ZMAT4: variants seen among roughly 807,000 people sequenced by gnomAD.
ZMAT4 encodes zinc finger matrin-type 4.
A neutral mutation model predicts 28.7 loss-of-function variants in ZMAT4; 17 were observed. That is an observed-to-expected ratio of 0.59 (90% CI 0.41 to 0.89). The LOEUF is 0.89. ZMAT4 is among the 40% of genes least tolerant of loss of function. ZMAT4 has a pLI of 0.00. For synonymous variants in ZMAT4, 117 were observed against 109.2 expected (o/e 1.07, Z -0.44); for missense variants, 240 against 283.8 (o/e 0.85, Z 1.11).
chr8:40,679,680 AGAACT>A (rs2150477851), intron 4 of ZMAT4, among the ~76,000 whole-genome samples: 1 of 152,292 alleles, frequency 6.6e-6, no homozygotes, highest in South Asian at 2.1e-4. Flanking sequence ...GGAGATTATG[AGAACT>A]ACAATTCAAG....
At chr8:40,826,646 C>T (rs1054440166) in intron 1 of ZMAT4, among the ~76,000 whole-genome samples, 2 of 152,122 alleles carry the variant, frequency 1.3e-5, no homozygotes, top group Non-Finnish European at 2.9e-5. Context: ...CTTTGCAACA[C>T]GGGGAGACCT....
chr8:40,602,434 A>T (rs28832946), intron 5 of ZMAT4, among the ~76,000 whole-genome samples: 1 of 152,208 alleles, frequency 6.6e-6, no homozygotes, highest in African/African-American at 2.4e-5. Flanking sequence ...TAATTCTTTA[A>T]GGAATCTCCA....
At chr8:40,848,084 C>G (rs1816972626) in intron 1 of ZMAT4, among the ~76,000 whole-genome samples, 1 of 152,224 alleles carries the variant, frequency 6.6e-6, no homozygotes, top group South Asian at 2.1e-4. Flanking sequence ...CTTCTGTCTA[C>G]CTGCTCCTTG....
chr8:40,795,233 CA>C (rs1317546296), intron 2 of ZMAT4, among the ~76,000 whole-genome samples: 54 of 152,234 alleles, frequency 3.5e-4, no homozygotes, highest in South Asian at 1.0e-3. Flanking sequence ...GATTTGGGGG[CA>C]AACCTCCAAG....
At chr8:40,637,847 C>T (rs542684759) in intron 5 of ZMAT4, among the ~76,000 whole-genome samples, 1 of 152,228 alleles carries the variant, frequency 6.6e-6, no homozygotes, top group East Asian at 1.9e-4. Flanking sequence ...ACTTTTATGC[C>T]AACCTACAAA....
At chr8:40,770,543 T>G (rs1183412472) in intron 2 of ZMAT4, among the ~76,000 whole-genome samples, 1 of 115,028 alleles carries the variant, frequency 8.7e-6, no homozygotes, top group African/African-American at 3.0e-5. Context: ...TCTTTCTTTC[T>G]CTCTCATTTT....
intron 6 of ZMAT4, among the ~76,000 whole-genome samples, chr8:40,579,830 C>T (rs1320469475): frequency 2.6e-5 from 4 of 151,926 alleles, no homozygotes; most frequent in African/African-American, 9.7e-5. Context: ...AAAATCAGAC[C>T]ATAACCTCAT....
intron 3 of ZMAT4, among the ~76,000 whole-genome samples, chr8:40,711,309 A>G (rs1810608303): frequency 6.6e-6 from 1 of 152,246 alleles, no homozygotes; most frequent in Admixed American, 6.5e-5. Flanking sequence ...TGAAAAAAAT[A>G]GAAGAAAACA....
intron 6 of ZMAT4, among the ~76,000 whole-genome samples, chr8:40,558,384 C>G (rs1315789534): frequency 1.3e-5 from 2 of 151,944 alleles, no homozygotes; most frequent in Non-Finnish European, 2.9e-5. Flanking sequence ...AGGAAGCTGT[C>G]GTGGGCAGCC....
intron 3 of ZMAT4, among the ~76,000 whole-genome samples, chr8:40,725,833 T>C (rs895757693): frequency 6.6e-6 from 1 of 151,874 alleles, no homozygotes; most frequent in Non-Finnish European, 1.5e-5. Context: ...GAGACAGCAT[T>C]GCATTTAAAG....
chr8:40,825,353 G>T (rs1305726270), intron 2 of ZMAT4, among the ~76,000 whole-genome samples: 1 of 152,106 alleles, frequency 6.6e-6, no homozygotes, highest in African/African-American at 2.4e-5. Context: ...TTAAAAAAAG[G>T]ATCTGGGAAG....
chr8:40,818,069 T>C (rs1373847951), intron 2 of ZMAT4, among the ~76,000 whole-genome samples: 2 of 152,182 alleles, frequency 1.3e-5, no homozygotes, highest in Non-Finnish European at 2.9e-5. Flanking sequence ...TCTTAATCAA[T>C]GAGCATGAAG....
chr8:40,599,677 C>T (rs1251635402), intron 5 of ZMAT4, among the ~76,000 whole-genome samples: 1 of 152,232 alleles, frequency 6.6e-6, no homozygotes, highest in African/African-American at 2.4e-5. Flanking sequence ...GCCTTGCTGT[C>T]CTACGTGTGG....
intron 5 of ZMAT4, among the ~76,000 whole-genome samples, chr8:40,652,875 T>C (rs1301029655): frequency 7.2e-5 from 8 of 111,032 alleles, no homozygotes; most frequent in South Asian, 3.2e-4. Context: ...TAGGTGGGAA[T>C]TGAACAATGA....
At chr8:40,875,756 G>A (rs1055558152) in intron 1 of ZMAT4, among the ~76,000 whole-genome samples, 2 of 152,072 alleles carry the variant, frequency 1.3e-5, no homozygotes, top group African/African-American at 4.8e-5. Context: ...GCCCGGGCCG[G>A]TCAGGCAGTA....
intron 5 of ZMAT4, among the ~76,000 whole-genome samples, chr8:40,614,083 C>T (rs1323775860): frequency 6.6e-6 from 1 of 152,162 alleles, no homozygotes; most frequent in Non-Finnish European, 1.5e-5. Flanking sequence ...GAAGCTGTAG[C>T]CAGCACAGTC....
chr8:40,861,216 G>A (rs1442101577), intron 1 of ZMAT4, among the ~76,000 whole-genome samples: 1 of 152,208 alleles, frequency 6.6e-6, no homozygotes, highest in African/African-American at 2.4e-5. Context: ...GTGCTCGGTA[G>A]GTATGAATTA....
chr8:40,839,546 C>T (rs1468627240), intron 1 of ZMAT4, among the ~76,000 whole-genome samples: 3 of 152,178 alleles, frequency 2.0e-5, no homozygotes, highest in Admixed American at 6.5e-5. Context: ...CAGCACTAGT[C>T]ATGACAGTGA....
At chr8:40,803,520 G>A (rs1357269451) in intron 2 of ZMAT4, among the ~76,000 whole-genome samples, 1 of 152,136 alleles carries the variant, frequency 6.6e-6, no homozygotes, top group African/African-American at 2.4e-5. Flanking sequence ...TCAGGGAACT[G>A]CAAATTAAAA....
Sources: gnomAD v4.1 joint callset for allele counts (sites outside exome capture counted in the v4.1 genomes callset) on GRCh38, gnomAD v4.1.1 for gene constraint, MANE v1.5 for transcripts, NCBI Gene and HGNC (gene_info 2026-07-23, HGNC 2026-07-21) for gene names.